The following PTN variants were observed in gnomAD, a reference collection of about 807,000 sequenced individuals.
PTN encodes heparin affin regulatory protein.
A neutral mutation model predicts 24.1 loss-of-function variants in PTN; 18 were observed. That is an observed-to-expected ratio of 0.75 (90% confidence interval 0.52 to 1.11). The LOEUF (loss-of-function observed/expected upper bound fraction) is 1.11. PTN is among the 50% of genes least tolerant of loss of function. The probability of loss-of-function intolerance (pLI) is 0.00; values close to 1 mark genes in which losing one functional copy is unlikely to be tolerated. For missense variants in PTN, 163 were observed against 198.8 expected, an observed-to-expected ratio of 0.82 and a Z score of 1.08; for synonymous variants, 78 against 68.6, an observed-to-expected ratio of 1.14 and a Z score of -0.67.
chr7:137,263,192 G>T (rs756241687), intron 1 of PTN, among the ~76,000 whole-genome samples: 2 of 152,122 alleles, frequency 1.3e-5, no homozygotes, highest in Non-Finnish European at 2.9e-5. Context: ...GGAGCAGTAA[G>T]CAGGTTCCTA....
In PTN at chr7:137,254,905, T is replaced by C. The variant is rs1383835932; in HGVS notation, c.69A>G (p.Ile23Met). ...FAAAFLAFIFILAAVDTAEAG... is the reference protein window; with the variant it reads ...FAAAFLAFIFMLAAVDTAEAG... ...CTTCAGCAGTATCCACAGCTGCCAGTATGAAAATGAATGCCAAGAAGGCAG... is the reference window on the plus strand; with the variant it reads ...CTTCAGCAGTATCCACAGCTGCCAGCATGAAAATGAATGCCAAGAAGGCAG... The change falls in exon 2 of 5, where the codon ATA (isoleucine) becomes ATG (methionine). Residue 23 changes from isoleucine (I) to methionine (M), a missense_variant. By Grantham distance (10) the Ile-to-Met change is conservative. Transcript: ENST00000348225. 6.3e-7 allele frequency: 1 copy of C among 1,585,850 alleles called. No homozygotes were observed. The highest frequency in any genetic ancestry group is 1.7e-5 in the Admixed American group (1 of 59,778).
chr7:137,273,208 A>G (rs1332799640), intron 1 of PTN, among the ~76,000 whole-genome samples: 1 of 152,248 alleles, frequency 6.6e-6, no homozygotes, highest in Non-Finnish European at 1.5e-5. Context: ...AAATAAATGA[A>G]TAAAATAAAG....
At chr7:137,332,958 A>G (rs1001378532) in intron 1 of PTN, among the ~76,000 whole-genome samples, 2 of 152,182 alleles carry the variant, frequency 1.3e-5, no homozygotes, top group African/African-American at 4.8e-5. Flanking sequence ...GGTTTCTGCT[A>G]TAGTTTGGAT....
intron 1 of PTN, among the ~76,000 whole-genome samples, chr7:137,276,586 T>C (rs1033957646): frequency 2.0e-5 from 3 of 152,222 alleles, no homozygotes; most frequent in African/African-American, 4.8e-5. Context: ...GTTGGGGACC[T>C]GGCTTGCCAT....
intron 1 of PTN, among the ~76,000 whole-genome samples, chr7:137,284,192 G>A (rs1054274275): frequency 6.6e-6 from 1 of 151,300 alleles, no homozygotes. Context: ...TCCCGACCTC[G>A]TGATCCGCCC....
At chr7:137,239,726 G>A (rs550736535) in intron 4 of PTN, among the ~76,000 whole-genome samples, 1 of 152,240 alleles carries the variant, frequency 6.6e-6, no homozygotes, top group Non-Finnish European at 1.5e-5. Flanking sequence ...CAAAGGACAT[G>A]AACTCATCAT....
chr7:137,232,599 C>T (rs1306522893), intron 4 of PTN, among the ~76,000 whole-genome samples: 6 of 151,936 alleles, frequency 3.9e-5, no homozygotes, highest in Non-Finnish European at 7.4e-5. Context: ...GGGCCATGTT[C>T]ACCATATTCA....
intron 1 of PTN, among the ~76,000 whole-genome samples, chr7:137,329,501 A>G (rs1810315162): frequency 6.6e-6 from 1 of 152,180 alleles, no homozygotes; most frequent in African/African-American, 2.4e-5. Flanking sequence ...GGCTTCAGAC[A>G]ACAGCAGGAG....
intron 1 of PTN, among the ~76,000 whole-genome samples, chr7:137,304,454 C>CA (rs963450859): frequency 6.0e-5 from 9 of 151,112 alleles, no homozygotes; most frequent in Non-Finnish European, 1.0e-4. Context: ...CCCTCCCCAT[C>CA]AAAAAAAGAG....
At chr7:137,298,413 A>ACT (rs1554468766) in intron 1 of PTN, among the ~76,000 whole-genome samples, 4 of 151,458 alleles carry the variant, frequency 2.6e-5, no homozygotes, top group Non-Finnish European at 5.9e-5. Flanking sequence ...GTGGAAATTT[A>ACT]TTTTTTTTCA....
chr7:137,286,636 C>A (rs1342456960), intron 1 of PTN, among the ~76,000 whole-genome samples: 1 of 152,080 alleles, frequency 6.6e-6, no homozygotes, highest in Non-Finnish European at 1.5e-5. Context: ...TTAGACTGAA[C>A]AAATTTATAG....
intron 1 of PTN, among the ~76,000 whole-genome samples, chr7:137,309,218 C>CA (rs1809939575): frequency 6.6e-6 from 1 of 152,198 alleles, no homozygotes. Context: ...TTTATGTTTA[C>CA]ACTACACTGT....
chr7:137,332,971 T>C (rs1810383237), intron 1 of PTN, among the ~76,000 whole-genome samples: 1 of 152,186 alleles, frequency 6.6e-6, no homozygotes, highest in Non-Finnish European at 1.5e-5. Flanking sequence ...GTTTGGATGT[T>C]TGTCCCCACC....
chr7:137,237,750 C>T (rs1585005420), intron 4 of PTN, among the ~76,000 whole-genome samples: 1 of 150,812 alleles, frequency 6.6e-6, no homozygotes, highest in South Asian at 2.1e-4. Context: ...AGCAATCTGT[C>T]TATAGCAGCA....
At chr7:137,324,433 A>AAAAAAAAATATATATAT in intron 1 of PTN, among the ~76,000 whole-genome samples, 3 of 88,762 alleles carry the variant, frequency 3.4e-5, no homozygotes, top group African/African-American at 2.1e-4. Context: ...AAAAAAAAAA[A>AAAAAAAAATATATATAT]ATATATATAT....
rs146381753 is a variant in PTN, at chr7:137,289,014, G to C, written c.-1-34040C>G. ...ATATGCAGGTGCTATGGTAAGATGT[G>C]TTTATATGCACACATAGTCTTATTT... On this transcript the variant is annotated intron_variant, in intron 1 of 4. Transcript: ENST00000348225. Among the ~76,000 whole-genome samples the C allele has an allele frequency of 7.2e-3, 1,091 of 152,210 alleles. 4 individuals carry two copies. Among genetic ancestry groups the C allele is most frequent in the Middle Eastern group, 0.017 (5 of 294 alleles).
At chr7:137,257,289 A>C (rs1808950388) in intron 1 of PTN, among the ~76,000 whole-genome samples, 1 of 152,178 alleles carries the variant, frequency 6.6e-6, no homozygotes, top group Non-Finnish European at 1.5e-5. Context: ...TTGGTGCAAA[A>C]GTGATCATGG....
intron 4 of PTN, among the ~76,000 whole-genome samples, chr7:137,240,762 A>C (rs886139796): frequency 3.9e-5 from 6 of 152,194 alleles, no homozygotes; most frequent in Non-Finnish European, 7.3e-5. Context: ...GGTGGGTCTA[A>C]AATTCATTCA....
chr7:137,281,644 A>G (rs148805811), intron 1 of PTN, among the ~76,000 whole-genome samples: 406 of 152,338 alleles, frequency 2.7e-3, no homozygotes, highest in African/African-American at 8.6e-3. Flanking sequence ...CTAAACCACA[A>G]TTTCTTTAAC....
Sources: gnomAD v4.1 joint callset for allele counts (sites outside exome capture counted in the v4.1 genomes callset) on GRCh38, gnomAD v4.1.1 for gene constraint, MANE v1.5 for transcripts, NCBI Gene and HGNC (gene_info 2026-07-23, HGNC 2026-07-21) for gene names.